Variants in YY1 observed in about 807,000 individuals in gnomAD.
The protein encoded by YY1 is transcriptional repressor protein YY1.
Under a neutral mutation model 35.6 loss-of-function variants are expected in YY1, and 2 were observed. That is an observed-to-expected ratio of 0.06 (90% CI 0.02 to 0.18). The LOEUF (loss-of-function observed/expected upper bound fraction) is 0.18, where lower values mean the gene tolerates loss of function less well. Among genes scored for constraint, YY1 ranks in the 10% least tolerant of loss-of-function variants. YY1 has a pLI of 1.00. For synonymous variants in YY1, 268 were observed against 238.9 expected, an observed-to-expected ratio of 1.12 and a Z score of -1.12; for missense variants, 322 against 573.4, an observed-to-expected ratio of 0.56 and a Z score of 4.48.
chr14:100,249,776 G>GTTTTTTTTTTTTTTTTTTTTTTT (rs1890897396), intron 1 of YY1, among the ~76,000 whole-genome samples: 1 of 135,988 alleles, frequency 7.4e-6, no homozygotes, highest in African/African-American at 2.8e-5. Context: ...TTTTGTTTTT[G>GTTTTTTTTTTTTTTTTTTTTTTT]TTTTTGTTTT....
intron 3 of YY1, among the ~76,000 whole-genome samples, chr14:100,275,398 C>T (rs1891303538): frequency 6.6e-6 from 1 of 152,160 alleles, no homozygotes; most frequent in East Asian, 1.9e-4. Context: ...ACGGTCTCTT[C>T]CCTGTAATGA....
At chr14:100,250,580 A>G (rs1420168160) in intron 1 of YY1, among the ~76,000 whole-genome samples, 1 of 152,162 alleles carries the variant, frequency 6.6e-6, no homozygotes, top group Non-Finnish European at 1.5e-5. Context: ...TACTACCTTC[A>G]TCTGATATTA....
intron 2 of YY1, among the ~76,000 whole-genome samples, chr14:100,265,096 A>T (rs1418025866): frequency 6.6e-6 from 1 of 151,952 alleles, no homozygotes; most frequent in Non-Finnish European, 1.5e-5. Context: ...AAGGAAACTG[A>T]ACCAGGCATG....
chr14:100,254,407 T>C lies in YY1; in HGVS notation c.680-7897T>C, dbSNP rs191658511. Among the ~76,000 whole-genome samples, 29 of 152,312 alleles carry C rather than the reference T, an allele frequency of 1.9e-4. No homozygotes were observed. In the East Asian group the frequency reaches 5.6e-3, roughly 29 times the overall value. ...TCTTCTGGCAACAAAAGCCAGTGTC[T>C]TTTGTCATTTCTCTAGAAGTCTTTT... On this transcript the variant is annotated intron_variant, in intron 1 of 4. Coordinates refer to ENST00000262238, the MANE Select transcript of YY1 (RefSeq NM_003403.5).
intron 1 of YY1, among the ~76,000 whole-genome samples, chr14:100,258,754 G>C (rs1172928997): frequency 6.6e-6 from 1 of 152,210 alleles, no homozygotes; most frequent in African/African-American, 2.4e-5. Context: ...AAAAAAATCT[G>C]TGATTCCTTG....
intron 3 of YY1, chr14:100,275,701 A>T (rs1224818185): frequency 6.6e-6 from 1 of 152,270 alleles, no homozygotes; most frequent in Non-Finnish European, 1.5e-5. Context: ...GTAAAGGCGG[A>T]AAAACTGGGG....
rs1167545369 is a variant in YY1, at chr14:100,279,663, C to CA, written c.*2064dup. 6.6e-6 allele frequency: 1 copy of CA among 152,312 alleles called. No homozygotes were observed. Among genetic ancestry groups the CA allele is most frequent in the Non-Finnish European group, 1.5e-5 (1 of 68,088 alleles). 9.4% of individuals were successfully genotyped at this position (152,312 alleles called of 1,614,324 possible). A position where few individuals can be genotyped will look rare whatever the true frequency, so the allele number is the denominator to read the frequency against. On this transcript the variant is annotated 3_prime_UTR_variant, in exon 5 of 5. Coordinates refer to ENST00000262238, the MANE Select transcript of YY1 (RefSeq NM_003403.5). ...TGTAGTTCTTTGACTTGGACCTGGG[C>CA]AGCGTCTTCTATGGATGCCTGCCTT... is the stretch of plus-strand genomic sequence containing the variant.
At position 100,276,731 on chromosome 14, in the gene YY1, G is replaced by A; in HGVS notation, c.1062+83G>A. 1 of 1,601,598 alleles carries A rather than the reference G, an allele frequency of 6.2e-7. No individual in the cohort carries two copies. The highest frequency in any genetic ancestry group is 1.1e-5 in the South Asian group (1 of 90,388). ...TAGGTGGTGTGGTGATGAGGCAGGA[G>A]GCGCCAGCCCAGAGACTCAGGGTCT... On this transcript the variant is annotated intron_variant, in intron 4 of 4. Coordinates refer to ENST00000262238, the MANE Select transcript of YY1 (RefSeq NM_003403.5). This position sits in a 1 kb window ranked among gnomAD's most constrained non-coding sequence, Gnocchi z 4.1.
rs1464394854 is a variant in YY1, at chr14:100,270,973, C to T, written c.843-3725C>T. Among the ~76,000 whole-genome samples the T allele has an allele frequency of 3.9e-5, 6 of 152,002 alleles. No homozygotes were observed. In the South Asian group the frequency reaches 6.2e-4, roughly 16 times the overall value. ...TTAAAAAAAAAAAATAGGCTGGGCG[C>T]GGTGGCTCACGCCTGTAATCCCCGC... is the stretch of plus-strand genomic sequence containing the variant. On this transcript the variant is annotated intron_variant, in intron 2 of 4. Coordinates refer to ENST00000262238, the MANE Select transcript of YY1 (RefSeq NM_003403.5).
In YY1 at chr14:100,279,273, A is replaced by C. The variant is rs1052746144; in HGVS notation, c.*1673A>C. The C allele has an allele frequency of 6.6e-6, 1 of 152,234 alleles. No individual in the cohort carries two copies. Among genetic ancestry groups the C allele is most frequent in the Admixed American group, 6.5e-5 (1 of 15,290 alleles). 9.4% of individuals were successfully genotyped at this position (152,234 alleles called of 1,614,324 possible). A position where few individuals can be genotyped will look rare whatever the true frequency, so the allele number is the denominator to read the frequency against. On this transcript the variant is annotated 3_prime_UTR_variant, in exon 5 of 5. Coordinates refer to ENST00000262238, the MANE Select transcript of YY1 (RefSeq NM_003403.5). ...TATGCTTGACTGCAAGATAAATGAC[A>C]AACTAGCTAATATCCGAGATTTATT... is the stretch of plus-strand genomic sequence containing the variant.
At position 100,239,468 on chromosome 14, in the gene YY1, A is replaced by G; in HGVS notation, c.224A>G (p.His75Arg). 1 of 1,601,612 alleles carries G rather than the reference A, an allele frequency of 6.2e-7. No homozygotes were observed. The highest frequency in any genetic ancestry group is 8.5e-7 in the Non-Finnish European group (1 of 1,175,994). ...HGHAGHHHHH[H>R]HHHHHPPMIA... ...CACGCCGGCCACCACCACCACCACC[A>G]TCACCACCACCACCACCCGCCCATG... Residue 75 changes from histidine to arginine, a missense_variant, in exon 1 of 5, where the codon CAT becomes CGT. His to Arg is a conservative substitution (Grantham distance 29, BLOSUM62 0). Around this residue, in one of 4 missense-constraint regions of YY1, gnomAD observed 137 missense variants for 167.0 expected, o/e 0.82. Coordinates refer to ENST00000262238, the MANE Select transcript of YY1 (RefSeq NM_003403.5).
rs1277449663 is a variant in YY1, at chr14:100,244,579, C to G, written c.679+4656C>G. Reference sequence around the variant, plus strand: ...ATTACCAACCTGCCCGCCCCACTCCCCACCCCTTACTTTTTTTTTTTGAGG... The same window carrying G: ...ATTACCAACCTGCCCGCCCCACTCCGCACCCCTTACTTTTTTTTTTTGAGG... On this transcript the variant is annotated intron_variant, in intron 1 of 4. Coordinates refer to ENST00000262238, the MANE Select transcript of YY1 (RefSeq NM_003403.5). Among the ~76,000 whole-genome samples, 6 of 150,998 alleles carry G rather than the reference C, an allele frequency of 4.0e-5. No individual in the cohort carries two copies. The East Asian group carries it at 9.7e-4, about 25-fold the overall frequency.
At chr14:100,252,890 C>T (rs540826087) in intron 1 of YY1, among the ~76,000 whole-genome samples, 1 of 151,998 alleles carries the variant, frequency 6.6e-6, no homozygotes, top group Non-Finnish European at 1.5e-5. Flanking sequence ...AAAAAAAAAT[C>T]AACTGGGTGT....
chr14:100,250,748 G>A (rs1890912429), intron 1 of YY1, among the ~76,000 whole-genome samples: 1 of 151,802 alleles, frequency 6.6e-6, no homozygotes, highest in Non-Finnish European at 1.5e-5. Context: ...GCTGGGTATG[G>A]TGCACTTTTG....
At chr14:100,252,360 A>G (rs1890937193) in intron 1 of YY1, among the ~76,000 whole-genome samples, 2 of 152,216 alleles carry the variant, frequency 1.3e-5, no homozygotes, top group African/African-American at 4.8e-5. Flanking sequence ...GCTTATTTAT[A>G]CAATACCTTT....
Position 100,239,160 on chromosome 14 carries a change from T to G in YY1, c.-85T>G. ...GCCGCCTTCCTCCCTCTGCCTTCCTTCCCCACGGCCGGCCGCCTCCTCGCC... is the reference window on the plus strand; with the variant it reads ...GCCGCCTTCCTCCCTCTGCCTTCCTGCCCCACGGCCGGCCGCCTCCTCGCC... On this transcript the variant is annotated 5_prime_UTR_variant, in exon 1 of 5. Coordinates refer to ENST00000262238, the MANE Select transcript of YY1 (RefSeq NM_003403.5). 8.1e-7 allele frequency: 1 copy of G among 1,235,358 alleles called. No individual in the cohort carries two copies. The highest frequency in any genetic ancestry group is 1.0e-6 in the Non-Finnish European group (1 of 991,740). 76.5% of individuals were successfully genotyped at this position (1,235,358 alleles called of 1,614,324 possible).
At chr14:100,272,372 G>A (rs1001836929) in intron 2 of YY1, among the ~76,000 whole-genome samples, 9 of 151,732 alleles carry the variant, frequency 5.9e-5, no homozygotes, top group African/African-American at 1.2e-4. Context: ...GTATAGTATC[G>A]GACCAACTCC....
chr14:100,249,038 C>A (rs971821156), intron 1 of YY1, among the ~76,000 whole-genome samples: 2 of 144,080 alleles, frequency 1.4e-5, no homozygotes, highest in Non-Finnish European at 3.0e-5. Flanking sequence ...ACAGTGGTTT[C>A]AAATGTGGTT....
At chr14:100,267,813 C>T (rs1272095057) in intron 2 of YY1, among the ~76,000 whole-genome samples, 1 of 152,244 alleles carries the variant, frequency 6.6e-6, no homozygotes, top group Non-Finnish European at 1.5e-5. Context: ...TGAGCCACTG[C>T]GCCCGGCCTC....
Sources: allele counts gnomAD v4.1 joint callset (sites outside exome capture counted in the v4.1 genomes callset), GRCh38; gene constraint gnomAD v4.1.1; regional missense constraint gnomAD v4.1.1; non-coding constraint Gnocchi (gnomAD v3.1); transcripts MANE v1.5; gene names NCBI Gene and HGNC (gene_info 2026-07-23, HGNC 2026-07-21).